PHLPP1: variants seen among roughly 807,000 people sequenced by gnomAD.
The protein encoded by PHLPP1 is PH domain and leucine rich repeat protein phosphatase 1.
Under a neutral mutation model 117.2 loss-of-function variants are expected in PHLPP1, and 42 were observed. The ratio of observed to expected loss-of-function variants is 0.36; its 90% CI spans 0.28 to 0.46. PHLPP1 has a LOEUF of 0.46. Ranked by LOEUF, PHLPP1 falls within the 20% of genes least tolerant of loss-of-function variation. PHLPP1 has a pLI of 1.00. For synonymous variants in PHLPP1, 1,042 were observed against 970.7 expected (o/e 1.07, Z -1.37); for missense variants, 2,084 against 2,241.9 (o/e 0.93, Z 1.42).
chr18:62,812,990 A>G (rs973257439), intron 1 of PHLPP1, among the ~76,000 whole-genome samples: 3 of 152,190 alleles, frequency 2.0e-5, no homozygotes, highest in South Asian at 2.1e-4. Context: ...AAGAAAGAAA[A>G]CTTGAGAATG....
intron 1 of PHLPP1, among the ~76,000 whole-genome samples, chr18:62,734,230 G>A (rs985467459): frequency 6.6e-6 from 1 of 151,982 alleles, no homozygotes; most frequent in African/African-American, 2.4e-5. Flanking sequence ...GGTATCATAC[G>A]TACACCACAT....
intron 4 of PHLPP1, among the ~76,000 whole-genome samples, chr18:62,873,715 C>T (rs1385231850): frequency 6.6e-6 from 1 of 152,110 alleles, no homozygotes; most frequent in Non-Finnish European, 1.5e-5. Context: ...ACAGTAACTC[C>T]TCATTTAATT....
chr18:62,949,975 C>A (rs1166913935), intron 12 of PHLPP1, among the ~76,000 whole-genome samples: 2 of 152,196 alleles, frequency 1.3e-5, no homozygotes, highest in Non-Finnish European at 2.9e-5. Context: ...CTAAACCCTT[C>A]CCCCGCTTTT....
At chr18:62,753,528 T>C (rs773779587) in intron 1 of PHLPP1, among the ~76,000 whole-genome samples, 2 of 152,194 alleles carry the variant, frequency 1.3e-5, no homozygotes, top group Non-Finnish European at 2.9e-5. Flanking sequence ...CTAGCAGATG[T>C]TTCTGTTCAC....
At chr18:62,900,512 T>C (rs1335821247) in intron 6 of PHLPP1, among the ~76,000 whole-genome samples, 1 of 142,542 alleles carries the variant, frequency 7.0e-6, no homozygotes, top group Non-Finnish European at 1.5e-5. Context: ...CACAGCTTGT[T>C]ACCCAAGCTG....
At chr18:62,822,940 C>T (rs779132497) in intron 1 of PHLPP1, among the ~76,000 whole-genome samples, 2 of 152,128 alleles carry the variant, frequency 1.3e-5, no homozygotes, top group Admixed American at 6.6e-5. Flanking sequence ...TTGATGTAGC[C>T]TTTTGCCAAA....
At chr18:62,975,332 T>C in intron 15 of PHLPP1, 65 bp from the exon 16 acceptor site, 1 of 1,103,276 alleles carries the variant, frequency 9.1e-7, no homozygotes, top group South Asian at 1.3e-5. Flanking sequence ...GGTCTTGCTG[T>C]TGAATTTGCA....
chr18:62,826,145 T>C (rs1365858142), intron 1 of PHLPP1: 1 of 310,586 alleles, frequency 3.2e-6, no homozygotes, highest in Non-Finnish European at 6.4e-6. Context: ...TGTCTGTGCA[T>C]ATTTATTTAT....
At chr18:62,848,516 G>A (rs1443787720) in intron 3 of PHLPP1, among the ~76,000 whole-genome samples, 4 of 128,134 alleles carry the variant, frequency 3.1e-5, no homozygotes, top group Non-Finnish European at 6.2e-5. Flanking sequence ...AAGCTGCTGT[G>A]CAGTGGCATG....
intron 1 of PHLPP1, among the ~76,000 whole-genome samples, chr18:62,799,130 T>C (rs1268209252): frequency 6.6e-6 from 1 of 152,198 alleles, no homozygotes; most frequent in Non-Finnish European, 1.5e-5. Flanking sequence ...AAAGGGAAGC[T>C]GCAGTGATCT....
intron 1 of PHLPP1, among the ~76,000 whole-genome samples, chr18:62,749,873 G>A (rs1388034901): frequency 6.6e-6 from 1 of 152,142 alleles, no homozygotes; most frequent in Non-Finnish European, 1.5e-5. Flanking sequence ...AAAATTAGCT[G>A]GGTATGGTGG....
At chr18:62,945,076 T>G (rs1177539487) in intron 11 of PHLPP1, 33 bp from the exon 12 acceptor site, 1 of 1,464,506 alleles carries the variant, frequency 6.8e-7, no homozygotes, top group African/African-American at 1.4e-5. Context: ...TATATTATTT[T>G]CTTTTAAATT....
At chr18:62,875,964 C>T (rs1226276617) in intron 4 of PHLPP1, among the ~76,000 whole-genome samples, 1 of 151,962 alleles carries the variant, frequency 6.6e-6, no homozygotes, top group African/African-American at 2.4e-5. Flanking sequence ...AACTCCTGAC[C>T]TGAGATGATC....
intron 2 of PHLPP1, among the ~76,000 whole-genome samples, chr18:62,834,408 C>T (rs1914834938): frequency 6.6e-6 from 1 of 151,924 alleles, no homozygotes; most frequent in African/African-American, 2.4e-5. Context: ...AAGGCAGAGG[C>T]GAGAGTTTAA....
At chr18:62,787,986 G>A (rs1913344972) in intron 1 of PHLPP1, among the ~76,000 whole-genome samples, 2 of 152,218 alleles carry the variant, frequency 1.3e-5, no homozygotes, top group African/African-American at 4.8e-5. Context: ...AACATTGCTA[G>A]TTTTATTAGA....
At chr18:62,821,988 C>G (rs1272224681) in intron 1 of PHLPP1, among the ~76,000 whole-genome samples, 1 of 152,108 alleles carries the variant, frequency 6.6e-6, no homozygotes, top group Non-Finnish European at 1.5e-5. Context: ...CCTAGCCACT[C>G]AGGAGGCTGA....
In PHLPP1 at chr18:62,943,281, A is replaced by G. The variant is rs577101563; in HGVS notation, c.3161+1363A>G. On this transcript the variant is annotated intron_variant, in intron 11 of 16. Transcript: ENST00000262719. ...GCTCCCCTGCAAACCAGAGCACCTT[A>G]AGAGCTGGGTCTGTGACCTTGCTGT... Among the ~76,000 whole-genome samples the G allele has an allele frequency of 1.9e-4, 29 of 152,298 alleles. 1 individual carries two copies. In the Middle Eastern group the frequency reaches 0.01, roughly 54 times the overall value.
At chr18:62,922,854 A>T (rs1298075019) in intron 10 of PHLPP1, among the ~76,000 whole-genome samples, 2 of 152,230 alleles carry the variant, frequency 1.3e-5, no homozygotes, top group Admixed American at 1.3e-4. Flanking sequence ...TTTAAGTAAG[A>T]ACAGTTGTAG....
intron 3 of PHLPP1, 125 bp downstream of exon 3, chr18:62,839,034 C>CATTTTTT (rs1245337421): frequency 1.1e-6 from 1 of 946,394 alleles, no homozygotes; most frequent in Non-Finnish European, 1.5e-6. Context: ...CAGATACTGC[C>CATTTTTT]AGTGATTAGC....
Sources: allele counts gnomAD v4.1 joint callset (sites outside exome capture counted in the v4.1 genomes callset), GRCh38; gene constraint gnomAD v4.1.1; transcripts MANE v1.5; gene names NCBI Gene and HGNC (gene_info 2026-07-23, HGNC 2026-07-21).